The following OCIAD1 variants were observed in gnomAD, a reference collection of about 807,000 sequenced individuals.
The protein encoded by OCIAD1 is OCIA domain containing 1.
A neutral mutation model predicts 38.9 loss-of-function variants in OCIAD1; 29 were observed. The observed-to-expected ratio is 0.74, with a 90% CI of 0.55 to 1.02. The LOEUF (loss-of-function observed/expected upper bound fraction) is 1.02, where lower values mean the gene tolerates loss of function less well. Among genes scored for constraint, OCIAD1 ranks in the 50% least tolerant of loss-of-function variants. OCIAD1 has a pLI of 0.00. For missense variants in OCIAD1, 288 were observed against 289.6 expected (o/e 0.99, Z 0.04); for synonymous variants, 110 against 92.0 (o/e 1.20, Z -1.12).
chr4:48,855,583 C>T (rs1322785025), intron 7 of OCIAD1, among the ~76,000 whole-genome samples: 1 of 151,946 alleles, frequency 6.6e-6, no homozygotes, highest in African/African-American at 2.4e-5. Flanking sequence ...TTTGGGAGGC[C>T]GAGGCGGGTG....
chr4:48,806,190 C>T (rs1045853090), intron 1 of OCIAD1, among the ~76,000 whole-genome samples: 4 of 152,132 alleles, frequency 2.6e-5, no homozygotes, highest in Non-Finnish European at 4.4e-5. Flanking sequence ...TCGCTTGAAC[C>T]CGGGAGGTGG....
intron 1 of OCIAD1, among the ~76,000 whole-genome samples, chr4:48,823,355 A>G (rs1777213446): frequency 6.6e-6 from 1 of 151,908 alleles, no homozygotes. Flanking sequence ...ACACATGGAC[A>G]CAGGGAGGGG....
At chr4:48,807,181 A>G (rs1224456152) in intron 1 of OCIAD1, among the ~76,000 whole-genome samples, 1 of 152,154 alleles carries the variant, frequency 6.6e-6, no homozygotes, top group East Asian at 1.9e-4. Flanking sequence ...AGCTGGGACT[A>G]CAGTGCTTAT....
upstream of OCIAD1, among the ~76,000 whole-genome samples, chr4:48,826,422 C>A (rs181374849): frequency 6.6e-6 from 1 of 152,186 alleles, no homozygotes; most frequent in African/African-American, 2.4e-5. Context: ...TCTGTCCTTG[C>A]GATAGTTTGC....
intron 1 of OCIAD1, among the ~76,000 whole-genome samples, chr4:48,819,800 A>G (rs1777176268): frequency 6.6e-6 from 1 of 151,994 alleles, no homozygotes; most frequent in Non-Finnish European, 1.5e-5. Flanking sequence ...ACAAAGATAA[A>G]AAAAGACAAA....
At chr4:48,810,230 G>A (rs1292111495) in intron 1 of OCIAD1, among the ~76,000 whole-genome samples, 1 of 151,986 alleles carries the variant, frequency 6.6e-6, no homozygotes, top group South Asian at 2.1e-4. Flanking sequence ...AGCACTTTGG[G>A]AGGCCGAGGC....
At chr4:48,831,395 GC>G (rs1250075583) in intron 1 of OCIAD1, 146 bp downstream of exon 1, 1 of 853,622 alleles carries the variant, frequency 1.2e-6, no homozygotes, top group African/African-American at 1.7e-5. Context: ...CCTCCTGAGT[GC>G]CGGTGACTGC....
chr4:48,832,879 C>G (rs4694906), intron 2 of OCIAD1, 197 bp downstream of exon 2: 262,543 of 569,546 alleles, frequency 0.46, 63,772 homozygotes, highest in Admixed American at 0.61. Context: ...TTATTTTGCA[C>G]TGGGCCCAGC....
At position 48,850,299 on chromosome 4, in the gene OCIAD1, C is replaced by T. The variant is rs116119253; in HGVS notation, c.377+217C>T. Among the ~76,000 whole-genome samples the T allele has an allele frequency of 3.6e-3, 541 of 152,256 alleles. 10 individuals are homozygous for T. Among genetic ancestry groups the T allele is most frequent in the Middle Eastern group, 3.4e-3 (1 of 294 alleles). ...TGAATGATGGGATCTCCCTCTGTTG[C>T]GCAGGCTGGAGTACAATGGCATGAT... is the stretch of plus-strand genomic sequence containing the variant. On this transcript the variant is annotated intron_variant, in intron 6 of 8. Transcript: ENST00000264312.
chr4:48,850,295 G>A (rs1040402298), intron 6 of OCIAD1, among the ~76,000 whole-genome samples: 2 of 152,174 alleles, frequency 1.3e-5, no homozygotes, highest in Non-Finnish European at 2.9e-5. Flanking sequence ...ATCTCCCTCT[G>A]TTGCGCAGGC....
upstream of OCIAD1, among the ~76,000 whole-genome samples, chr4:48,827,354 A>C (rs1777261877): frequency 6.6e-6 from 1 of 152,182 alleles, no homozygotes; most frequent in Non-Finnish European, 1.5e-5. Context: ...ATTTCATTAG[A>C]TCTTAACTCA....
chr4:48,827,292 T>G (rs903500380), upstream of OCIAD1, among the ~76,000 whole-genome samples: 4 of 152,206 alleles, frequency 2.6e-5, no homozygotes, highest in African/African-American at 9.6e-5. Flanking sequence ...ATTATCCCTT[T>G]ATTATTAATT....
chr4:48,860,926 A>AT lies in OCIAD1; in HGVS notation c.*169dup, dbSNP rs1258858540. On this transcript the variant is annotated 3_prime_UTR_variant, in exon 9 of 9. Transcript: ENST00000264312. ...TCTATGGTGTTTTAAAAAAACACAGATTTTTAGTGTTAATATTGTGTAAAT... is the reference window on the plus strand; with the variant it reads ...TCTATGGTGTTTTAAAAAAACACAGATTTTTTAGTGTTAATATTGTGTAAAT... 2 of 632,844 alleles carry AT rather than the reference A, an allele frequency of 3.2e-6. No homozygotes were observed. The highest frequency in any genetic ancestry group is 5.7e-6 in the Non-Finnish European group (2 of 350,942). The allele number at this position is 632,844 out of a possible 1,614,324, so 39.2% of individuals were successfully genotyped here.
upstream of OCIAD1, among the ~76,000 whole-genome samples, chr4:48,829,274 C>A (rs1777301912): frequency 6.6e-6 from 1 of 151,464 alleles, no homozygotes; most frequent in Non-Finnish European, 1.5e-5. Flanking sequence ...AAAAAAACAA[C>A]AAAAAACTTT....
At chr4:48,808,978 T>C (rs1348002748) in intron 1 of OCIAD1, among the ~76,000 whole-genome samples, 1 of 152,196 alleles carries the variant, frequency 6.6e-6, no homozygotes, top group East Asian at 1.9e-4. Context: ...CCACGTCCTT[T>C]TGATTATATG....
At chr4:48,838,655 T>G (rs1292442704) in intron 3 of OCIAD1, among the ~76,000 whole-genome samples, 1 of 152,238 alleles carries the variant, frequency 6.6e-6, no homozygotes, top group Non-Finnish European at 1.5e-5. Context: ...AAACAAATAA[T>G]GGCATCTGTT....
At chr4:48,850,149 C>G in intron 6 of OCIAD1, 67 bp downstream of exon 6, 1 of 1,516,514 alleles carries the variant, frequency 6.6e-7, no homozygotes, top group Non-Finnish European at 9.0e-7. Context: ...GTTGCTATAA[C>G]TCATGGCTCA....
Position 48,860,940 on chromosome 4 carries a change from T to G in OCIAD1, c.*178T>G. 1 of 610,750 alleles carries G rather than the reference T, an allele frequency of 1.6e-6. No individual in the cohort carries two copies. Among genetic ancestry groups the G allele is most frequent in the Non-Finnish European group, 2.9e-6 (1 of 339,316 alleles). 37.8% of individuals were successfully genotyped at this position (610,750 alleles called of 1,614,324 possible). ...AAAAAACACAGATTTTTAGTGTTAATATTGTGTAAATGTACTCACCTTAGG... is the reference window on the plus strand; with the variant it reads ...AAAAAACACAGATTTTTAGTGTTAAGATTGTGTAAATGTACTCACCTTAGG... On this transcript the variant is annotated 3_prime_UTR_variant, in exon 9 of 9. Transcript: ENST00000264312.
At chr4:48,858,193 C>T (rs1464360425) in intron 8 of OCIAD1, among the ~76,000 whole-genome samples, 2 of 151,804 alleles carry the variant, frequency 1.3e-5, no homozygotes, top group African/African-American at 4.8e-5. Context: ...ATAGTGAAGT[C>T]CAAATAGTAA....
Sources: gnomAD v4.1 joint callset for allele counts (sites outside exome capture counted in the v4.1 genomes callset) on GRCh38, gnomAD v4.1.1 for gene constraint, MANE v1.5 for transcripts, NCBI Gene and HGNC (gene_info 2026-07-23, HGNC 2026-07-21) for gene names.